Variants in TFE3 observed in about 807,000 individuals in gnomAD.
The protein encoded by TFE3 is transcription factor binding to IGHM enhancer 3.
Under a neutral mutation model 35.0 loss-of-function variants are expected in TFE3, and 5 were observed. The observed-to-expected ratio is 0.14, with a 90% CI of 0.07 to 0.30. The LOEUF is 0.30. Among genes scored for constraint, TFE3 ranks in the 10% least tolerant of loss-of-function variants. The pLI, the probability that TFE3 is intolerant of heterozygous loss-of-function variation, is 1.00. For missense variants in TFE3, 374 were observed against 496.6 expected (o/e 0.75, Z 2.35); for synonymous variants, 211 against 215.6 (o/e 0.98, Z 0.18).
chrX:49,041,226 C>T (rs1295722836), intron 1 of TFE3, among the ~76,000 whole-genome samples: 2 of 111,329 alleles, frequency 1.8e-5, no homozygotes, highest in Admixed American at 9.6e-5. Flanking sequence ...CCACTGCGCC[C>T]GGCCAACCCC....
chrX:49,034,203 C>A lies in TFE3; in HGVS notation c.934G>T (p.Ala312Ser), dbSNP rs782377455. 10 of 1,207,690 alleles carry A rather than the reference C, an allele frequency of 8.3e-6. No individual in the cohort carries two copies. The highest frequency in any genetic ancestry group is 1.0e-5 in the Non-Finnish European group (9 of 893,372). The change falls in exon 6 of 10, where the codon GCC becomes TCC. Residue 312 changes from alanine (A) to serine (S), a missense_variant. Transcript: ENST00000315869. ...TTGCTGACAGTGATGGCTGGTGTGG[C>A]CACGCCTTGACTACTGTACACATCA... ...LLDVYSSQGV[A>S]TPAITVSNSC...
chrX:49,039,281 T>C lies in TFE3; in HGVS notation c.360A>G (p.Leu120=), dbSNP rs1557075319. 3.3e-6 allele frequency: 4 copies of C among 1,206,011 alleles called. No homozygotes were observed. Among genetic ancestry groups the C allele is most frequent in the East Asian group, 3.0e-5 (1 of 33,557 alleles). ...CCTGCTCCTGCGCCTGGGCCCGCAT[T>C]AGCTGCTGCCGCAGCAAGACCCTCG... ...SSSRVLLRQQ[L]MRAQAQEQER... is the part of the protein sequence containing the mutation. The change falls in exon 3 of 10, where the codon CTA becomes CTG. Residue 120 remains leucine, a synonymous_variant. Transcript: ENST00000315869.
chrX:49,029,795 C>G lies in TFE3; in HGVS notation c.*363G>C, dbSNP rs782776666. ...CCTTTCCCAGGAGACCTGGCTAGGA[C>G]AGTCCCTAGGGGACAGGGTCGAGAC... On this transcript the variant is annotated 3_prime_UTR_variant, in exon 10 of 10. Coordinates refer to ENST00000315869, the MANE Select transcript of TFE3 (RefSeq NM_006521.6). 6.4e-6 allele frequency: 3 copies of G among 470,359 alleles called. No individual in the cohort carries two copies. The highest frequency in any genetic ancestry group is 1.2e-5 in the Non-Finnish European group (3 of 253,410). 38.8% of individuals were successfully genotyped at this position (470,359 alleles called of 1,213,427 possible). A position where few individuals can be genotyped will look rare whatever the true frequency, so the allele number is the denominator to read the frequency against.
intron 5 of TFE3, among the ~76,000 whole-genome samples, chrX:49,037,196 TGA>T (rs1360434584): frequency 9.1e-6 from 1 of 110,407 alleles, no homozygotes; most frequent in Non-Finnish European, 1.9e-5. Flanking sequence ...CCCAGCTACG[TGA>T]GAGGCTGAGG....
intron 3 of TFE3, among the ~76,000 whole-genome samples, chrX:49,038,782 C>T (rs1175215645): frequency 9.1e-6 from 1 of 110,074 alleles, no homozygotes; most frequent in Non-Finnish European, 1.9e-5. Flanking sequence ...CCCAAGACCC[C>T]CTAATGGCCA....
intron 5 of TFE3, among the ~76,000 whole-genome samples, chrX:49,036,963 C>T (rs1270703991): frequency 1.3e-4 from 14 of 111,968 alleles, no homozygotes; most frequent in South Asian, 1.1e-3. Flanking sequence ...CCAATCACTA[C>T]GAGATCCAAC....
Position 49,043,126 on chromosome X carries a change from G to A in TFE3, c.101C>T (p.Ser34Leu), listed in dbSNP as rs782477723. 2.0e-5 allele frequency: 24 copies of A among 1,184,788 alleles called. No individual in the cohort carries two copies. The highest frequency in any genetic ancestry group is 5.3e-5 in the African/African-American group (3 of 56,639). Residue 34 changes from serine (S) to leucine (L), a missense_variant, in exon 1 of 10, where the codon TCG (serine) becomes TTG (leucine). Transcript: ENST00000315869. ...VLLEERRPAD[S>L]AQLLSLNSLL... ...GGCCCCGCACCTGAGCAGCTGAGCC[G>A]AGTCGGCCGGCCTGCGCTCCTCCAA...
chrX:49,039,179 C>T lies in TFE3; in HGVS notation c.462G>A (p.Val154=), dbSNP rs781942513. ...SPAPASPAIS[V]VGVSAGGHTL... ...TGTGGCCCCCAGCAGAGACGCCAAC[C>T]ACAGAGATGGCAGGAGAGGCAGGTG... The change falls in exon 3 of 10, where the codon GTG becomes GTA. Residue 154 remains valine, a synonymous_variant. Coordinates refer to ENST00000315869, the MANE Select transcript of TFE3 (RefSeq NM_006521.6). 8.3e-7 allele frequency: 1 copy of T among 1,206,294 alleles called. No homozygotes were observed. Among genetic ancestry groups the T allele is most frequent in the South Asian group, 1.8e-5 (1 of 56,279 alleles).
intron 5 of TFE3, among the ~76,000 whole-genome samples, chrX:49,035,348 C>A (rs781918284): frequency 1.6e-4 from 3 of 18,669 alleles, no homozygotes; most frequent in Non-Finnish European, 2.5e-4. Context: ...TAAATAAATA[C>A]AAATAAAATA....
chrX:49,029,998 C>G lies in TFE3; in HGVS notation c.*160G>C. 1 of 583,522 alleles carries G rather than the reference C, an allele frequency of 1.7e-6. No individual in the cohort carries two copies. Among genetic ancestry groups the G allele is most frequent in the Non-Finnish European group, 2.8e-6 (1 of 358,481 alleles). The allele number at this position is 583,522 out of a possible 1,213,427, so 48.1% of individuals were successfully genotyped here. ...TGCAGGGCCTCATCTGACTCCTCCTCCTTGCCTGATTACAGGGGTGGGGCC... is the reference window on the plus strand; with the variant it reads ...TGCAGGGCCTCATCTGACTCCTCCTGCTTGCCTGATTACAGGGGTGGGGCC... On this transcript the variant is annotated 3_prime_UTR_variant, in exon 10 of 10. Coordinates refer to ENST00000315869, the MANE Select transcript of TFE3 (RefSeq NM_006521.6).
At chrX:49,036,327 C>T (rs1384083870) in intron 5 of TFE3, among the ~76,000 whole-genome samples, 12 of 107,475 alleles carry the variant, frequency 1.1e-4, no homozygotes, top group South Asian at 8.3e-4. Context: ...ATTAGCCAGG[C>T]GTGCTGGCGG....
At chrX:49,037,889 C>A (rs192647547) in intron 5 of TFE3, 121 bp downstream of exon 5, 1 of 611,201 alleles carries the variant, frequency 1.6e-6, no homozygotes, top group East Asian at 3.6e-5. Context: ...CATAAGGCCT[C>A]CCTCTCTATC....
intron 1 of TFE3, among the ~76,000 whole-genome samples, chrX:49,042,859 C>A (rs1275670156): frequency 1.8e-5 from 2 of 111,792 alleles, no homozygotes; most frequent in Non-Finnish European, 3.8e-5. Context: ...AGAATAGGCC[C>A]CTCTAGACGC....
intron 5 of TFE3, among the ~76,000 whole-genome samples, chrX:49,034,966 T>C (rs782699562): frequency 9.2e-6 from 1 of 109,026 alleles, no homozygotes; most frequent in African/African-American, 3.3e-5. Flanking sequence ...TTTTTTTTTT[T>C]CCTCTCCTTC....
chrX:49,034,946 T>A (rs1190250696), intron 5 of TFE3, among the ~76,000 whole-genome samples: 5 of 54,779 alleles, frequency 9.1e-5, no homozygotes, highest in African/African-American at 2.2e-4. Flanking sequence ...CTGCTTTATG[T>A]CAGCCTAGTT....
chrX:49,041,588 TCTC>T (rs2064760773), intron 1 of TFE3, among the ~76,000 whole-genome samples: 1 of 110,903 alleles, frequency 9.0e-6, no homozygotes, highest in South Asian at 3.8e-4. Context: ...TGCCCAGCCT[TCTC>T]CTGTTTTTTT....
rs1557075021 is a variant in TFE3, at chrX:49,038,028, T to A, written c.867A>T (p.Gly289=). ...GCCTCACCGTGCTGGGGAGCTGCAGTCCTGTGGTGCCTCCGGGCAGATAGC... is the reference window on the plus strand; with the variant it reads ...GCCTCACCGTGCTGGGGAGCTGCAGACCTGTGGTGCCTCCGGGCAGATAGC... ...MLSYLPGGTT[G]LQLPSTLPVS... The change falls in exon 5 of 10, where the codon GGA becomes GGT. Residue 289 remains glycine (G), a synonymous_variant. Transcript: ENST00000315869. 3 of 1,202,851 alleles carry A rather than the reference T, an allele frequency of 2.5e-6. No individual in the cohort carries two copies. The highest frequency in any genetic ancestry group is 3.6e-5 in the South Asian group (2 of 55,463).
chrX:49,029,480 T>C lies in TFE3; in HGVS notation c.*678A>G, dbSNP rs897200465. The C allele has an allele frequency of 4.9e-5, 13 of 266,134 alleles. No individual in the cohort carries two copies. Among genetic ancestry groups the C allele is most frequent in the African/African-American group, 2.4e-4 (9 of 37,244 alleles). The allele number at this position is 266,134 out of a possible 1,213,427, so 21.9% of individuals were successfully genotyped here. On this transcript the variant is annotated 3_prime_UTR_variant, in exon 10 of 10. Coordinates refer to ENST00000315869, the MANE Select transcript of TFE3 (RefSeq NM_006521.6). ...TCCACAAGCACTAGCGGTGGCCTGG[T>C]CCTACTGATTCTTTCACACCTGAAA... is the stretch of plus-strand genomic sequence containing the variant.
In TFE3 at chrX:49,029,971, G is replaced by A. The variant is rs1444740892; in HGVS notation, c.*187C>T. The A allele has an allele frequency of 3.8e-6, 2 of 525,323 alleles. No homozygotes were observed. The highest frequency in any genetic ancestry group is 2.3e-5 in the African/African-American group (1 of 43,205). The allele number at this position is 525,323 out of a possible 1,213,427, so 43.3% of individuals were successfully genotyped here. On this transcript the variant is annotated 3_prime_UTR_variant, in exon 10 of 10. Coordinates refer to ENST00000315869, the MANE Select transcript of TFE3 (RefSeq NM_006521.6). ...TGCACTGGGCGGTTCCTTTGGGGAA[G>A]GTGCAGGGCCTCATCTGACTCCTCC...
Sources: gnomAD v4.1 joint callset for allele counts (sites outside exome capture counted in the v4.1 genomes callset) on GRCh38, gnomAD v4.1.1 for gene constraint, MANE v1.5 for transcripts, NCBI Gene and HGNC (gene_info 2026-07-23, HGNC 2026-07-21) for gene names.